The following BBS7 variants were observed in gnomAD, a reference collection of about 807,000 sequenced individuals.
BBS7 encodes the protein Bardet-Biedl syndrome 7, also known as BBSome complex member BBS7.
In BBS7, 50 loss-of-function variants were observed where a neutral mutation model predicts 90.3. The observed-to-expected ratio is 0.55, with a 90% confidence interval of 0.44 to 0.70. The LOEUF (loss-of-function observed/expected upper bound fraction) is 0.70. Among genes scored for constraint, BBS7 ranks in the 30% least tolerant of loss-of-function variants. The probability of loss-of-function intolerance (pLI) is 0.00; values close to 1 mark genes in which losing one functional copy is unlikely to be tolerated. For synonymous variants in BBS7, 235 were observed against 287.4 expected (o/e 0.82, Z 1.85); for missense variants, 729 against 838.9 (o/e 0.87, Z 1.62).
chr4:121,863,056 T>C (rs936950710), intron 3 of BBS7, among the ~76,000 whole-genome samples, 161 bp downstream of exon 3: 1 of 152,184 alleles, frequency 6.6e-6, no homozygotes, highest in Non-Finnish European at 1.5e-5. Flanking sequence ...GCTAGCAAAT[T>C]ACTTTTGTGC....
chr4:121,848,614 A>G (rs1441884946), intron 9 of BBS7, among the ~76,000 whole-genome samples: 1 of 152,198 alleles, frequency 6.6e-6, no homozygotes, highest in Middle Eastern at 3.2e-3. Flanking sequence ...CCTAATTTAT[A>G]AGTTAAATTT....
intron 4 of BBS7, among the ~76,000 whole-genome samples, chr4:121,860,469 C>G (rs906622176): frequency 4.6e-5 from 7 of 152,058 alleles, no homozygotes; most frequent in African/African-American, 1.7e-4. Context: ...ACTTTTCTAT[C>G]CCATCTTTGC....
rs1724871110 is a variant in BBS7, at chr4:121,825,643, A to G, written c.*217T>C. ...ATTAAAATCCTATTTAAATCATTCT[A>G]CTTGTGTTTTAAAAATAAAAAGACT... is the stretch of plus-strand genomic sequence containing the variant. On this transcript the variant is annotated 3_prime_UTR_variant, in exon 19 of 19. Coordinates refer to ENST00000264499, the MANE Select transcript of BBS7 (RefSeq NM_176824.3). 1 of 445,280 alleles carries G rather than the reference A, an allele frequency of 2.2e-6. No homozygotes were observed. The allele number at this position is 445,280 out of a possible 1,614,324, so 27.6% of individuals were successfully genotyped here. A position where few individuals can be genotyped will look rare whatever the true frequency, so the allele number is the denominator to read the frequency against.
At chr4:121,832,885 C>T (rs1178485015) in intron 15 of BBS7, among the ~76,000 whole-genome samples, 2 of 151,896 alleles carry the variant, frequency 1.3e-5, no homozygotes, top group South Asian at 4.2e-4. Context: ...TTACAGTTTT[C>T]TTCATGTAAC....
chr4:121,850,115 T>A lies in BBS7; in HGVS notation c.850-1187A>T, dbSNP rs187030563. Among the ~76,000 whole-genome samples the A allele has an allele frequency of 1.9e-3, 283 of 152,158 alleles. 1 individual carries two copies. Among genetic ancestry groups the A allele is most frequent in the Middle Eastern group, 6.8e-3 (2 of 294 alleles). On this transcript the variant is annotated intron_variant, in intron 8 of 18. Coordinates refer to ENST00000264499, the MANE Select transcript of BBS7 (RefSeq NM_176824.3). ...AACTCAACTAGGAATCTGTATTTTT[T>A]TTTATTTATTTATTTCTTTTAAAAT...
chr4:121,861,648 A>G lies in BBS7; in HGVS notation c.197T>C (p.Ile66Thr). Residue 66 changes from isoleucine (I) to threonine (T), a missense_variant, in exon 4 of 19, where the codon ATT (isoleucine) becomes ACT (threonine). Physicochemically the swap from Ile to Thr is moderately conservative, Grantham distance 89. Transcript: ENST00000264499. ...AVFKTLPGPK[I>T]ARLELGGVIN... ...AACCCCTCCCAGTTCCAGCCTTGCAATCTTCGGCCCGGGTAAAGTCTTGAA... is the reference window on the plus strand; with the variant it reads ...AACCCCTCCCAGTTCCAGCCTTGCAGTCTTCGGCCCGGGTAAAGTCTTGAA... 1 of 1,613,818 alleles carries G rather than the reference A, an allele frequency of 6.2e-7. No homozygotes were observed. The highest frequency in any genetic ancestry group is 8.5e-7 in the Non-Finnish European group (1 of 1,179,820).
intron 8 of BBS7, among the ~76,000 whole-genome samples, chr4:121,851,615 G>T (rs909179668): frequency 1.3e-5 from 2 of 151,982 alleles, no homozygotes; most frequent in African/African-American, 4.8e-5. Context: ...TCAAAATATT[G>T]GCAAATGAAT....
chr4:121,837,195 G>A (rs1725504176), intron 13 of BBS7, among the ~76,000 whole-genome samples: 1 of 152,072 alleles, frequency 6.6e-6, no homozygotes, highest in Non-Finnish European at 1.5e-5. Flanking sequence ...TTGAACTCCT[G>A]ACCTCAAGTG....
At chr4:121,846,919 A>G (rs1726038021) in intron 10 of BBS7, among the ~76,000 whole-genome samples, 1 of 152,196 alleles carries the variant, frequency 6.6e-6, no homozygotes, top group African/African-American at 2.4e-5. Context: ...TTTTCACAGC[A>G]CACGTCAAAT....
At position 121,825,005 on chromosome 4, in the gene BBS7, A is replaced by C. The variant is rs879115441; in HGVS notation, c.*855T>G. ...ACAAAACTTCTGTAGCCTTAATGTC[A>C]TATATGATAAAAAGAGATCTAGAAG... On this transcript the variant is annotated 3_prime_UTR_variant, in exon 19 of 19. Coordinates refer to ENST00000264499, the MANE Select transcript of BBS7 (RefSeq NM_176824.3). The C allele has an allele frequency of 5.3e-5, 8 of 152,318 alleles. No individual in the cohort carries two copies. In the South Asian group the frequency reaches 8.3e-4, roughly 16 times the overall value. The allele number at this position is 152,318 out of a possible 1,614,324, so 9.4% of individuals were successfully genotyped here.
At chr4:121,839,491 T>C in intron 13 of BBS7, 140 bp downstream of exon 13, 1 of 709,700 alleles carries the variant, frequency 1.4e-6, no homozygotes, top group Non-Finnish European at 2.5e-6. Context: ...TCCTAACTGG[T>C]CATTCAAAAT....
At chr4:121,845,757 T>A (rs1275679359) in intron 10 of BBS7, 61 bp from the exon 11 acceptor site, 9 of 1,458,400 alleles carry the variant, frequency 6.2e-6, no homozygotes, top group Non-Finnish European at 8.6e-6. Context: ...GTCGTTAGGA[T>A]GTTTACAAAA....
intron 11 of BBS7, among the ~76,000 whole-genome samples, chr4:121,844,634 T>A (rs1279624463): frequency 6.6e-6 from 1 of 152,192 alleles, no homozygotes; most frequent in Non-Finnish European, 1.5e-5. Flanking sequence ...CTACCTTTTG[T>A]TTGTTTTCTA....
At chr4:121,845,406 C>A in intron 11 of BBS7, 98 bp downstream of exon 11, 1 of 666,458 alleles carries the variant, frequency 1.5e-6, no homozygotes, top group East Asian at 3.2e-5. Context: ...AATAAAATTA[C>A]TGTCTAAAAC....
In BBS7 at chr4:121,854,695, A is replaced by G. The variant is rs374523374; in HGVS notation, c.718+9T>C. ...ACACCTCAGAATCTGAACTACATGA[A>G]AAGCATACCTCCTCTCTTTTTCTCA... On this transcript the variant is annotated intron_variant, in intron 7 of 18. Coordinates refer to ENST00000264499, the MANE Select transcript of BBS7 (RefSeq NM_176824.3). 2.7e-5 allele frequency: 43 copies of G among 1,609,632 alleles called. 1 individual carries two copies. In the African/African-American group the frequency reaches 5.2e-4, roughly 20 times the overall value.
At chr4:121,869,745 G>T (rs1727481157) in intron 1 of BBS7, among the ~76,000 whole-genome samples, 1 of 152,124 alleles carries the variant, frequency 6.6e-6, no homozygotes, top group Admixed American at 6.5e-5. Context: ...AACCATGTAG[G>T]CTAGGCTGGT....
In BBS7 at chr4:121,824,441, C is replaced by T. The variant is rs1019499061; in HGVS notation, c.*1419G>A. The T allele has an allele frequency of 6.6e-6, 1 of 152,154 alleles. No individual in the cohort carries two copies. The highest frequency in any genetic ancestry group is 2.4e-5 in the African/African-American group (1 of 41,434). 9.4% of individuals were successfully genotyped at this position (152,154 alleles called of 1,614,324 possible). A position where few individuals can be genotyped will look rare whatever the true frequency, so the allele number is the denominator to read the frequency against. ...TACTCAAGTGTCAAGACTGTAATGT[C>T]ATCTTAACATTTAGGCGTTTATTCA... On this transcript the variant is annotated 3_prime_UTR_variant, in exon 19 of 19. Coordinates refer to ENST00000264499, the MANE Select transcript of BBS7 (RefSeq NM_176824.3). This position sits in a 1 kb window ranked among gnomAD's most constrained non-coding sequence, Gnocchi z 4.1.
chr4:121,838,820 G>A (rs1725588459), intron 13 of BBS7, among the ~76,000 whole-genome samples: 1 of 151,490 alleles, frequency 6.6e-6, no homozygotes, highest in African/African-American at 2.4e-5. Flanking sequence ...ACTTGAACCT[G>A]GGAAGTGGAG....
chr4:121,831,623 T>C (rs116015896), intron 15 of BBS7, among the ~76,000 whole-genome samples: 1 of 152,324 alleles, frequency 6.6e-6, no homozygotes, highest in African/African-American at 2.4e-5. Flanking sequence ...CTATGATTAA[T>C]GTGTGAGGTT....
Sources: gnomAD v4.1 joint callset for allele counts (sites outside exome capture counted in the v4.1 genomes callset) on GRCh38, gnomAD v4.1.1 for gene constraint, Gnocchi (gnomAD v3.1) non-coding constraint, MANE v1.5 for transcripts, NCBI Gene and HGNC (gene_info 2026-07-23, HGNC 2026-07-21) for gene names.